Variants in NCAM2 observed in about 807,000 individuals in gnomAD.
The protein encoded by NCAM2 is N-CAM-2.
In NCAM2, 30 loss-of-function variants were observed where a neutral mutation model predicts 98.1. The observed-to-expected ratio is 0.31, with a 90% CI of 0.23 to 0.41. The LOEUF (loss-of-function observed/expected upper bound fraction) is 0.41. Among genes scored for constraint, NCAM2 ranks in the 10% least tolerant of loss-of-function variants. The pLI, the probability that NCAM2 is intolerant of heterozygous loss-of-function variation, is 1.00. For missense variants in NCAM2, 867 were observed against 1,005.8 expected, an observed-to-expected ratio of 0.86 and a Z score of 1.87; for synonymous variants, 368 against 342.4, an observed-to-expected ratio of 1.07 and a Z score of -0.83.
At chr21:21,370,015 C>A (rs62207732) in intron 8 of NCAM2, among the ~76,000 whole-genome samples, 2,167 of 151,864 alleles carry the variant, frequency 0.014, 42 homozygotes, top group Admixed American at 0.037. Context: ...TAATATGCTG[C>A]AGTCATCGTC....
intron 1 of NCAM2, among the ~76,000 whole-genome samples, chr21:21,126,985 CT>C (rs1330075387): frequency 1.1e-3 from 160 of 152,062 alleles, no homozygotes; most frequent in African/African-American, 3.5e-3. Flanking sequence ...CTCTCATCTA[CT>C]TCCCTCATAA....
intron 1 of NCAM2, among the ~76,000 whole-genome samples, chr21:21,030,812 G>T (rs1007481832): frequency 1.3e-5 from 2 of 152,094 alleles, no homozygotes; most frequent in African/African-American, 4.8e-5. Flanking sequence ...TTTAAACACA[G>T]CAACTGACTT....
At chr21:21,388,564 T>C (rs1430491479) in intron 9 of NCAM2, among the ~76,000 whole-genome samples, 1 of 152,126 alleles carries the variant, frequency 6.6e-6, no homozygotes, top group Non-Finnish European at 1.5e-5. Flanking sequence ...AGATGTGCTG[T>C]CCAGTCCGGC....
chr21:21,129,889 T>A (rs2066900868), intron 1 of NCAM2, among the ~76,000 whole-genome samples: 1 of 152,144 alleles, frequency 6.6e-6, no homozygotes, highest in Admixed American at 6.6e-5. Context: ...TGTTAGAAAA[T>A]GCAAGGTGAA....
chr21:21,185,915 G>T (rs1035669174), intron 1 of NCAM2, among the ~76,000 whole-genome samples: 1 of 152,064 alleles, frequency 6.6e-6, no homozygotes. Flanking sequence ...AATGCAGCCC[G>T]AACTAACATT....
At chr21:21,061,594 T>C (rs1344178609) in intron 1 of NCAM2, among the ~76,000 whole-genome samples, 1 of 151,940 alleles carries the variant, frequency 6.6e-6, no homozygotes, top group Non-Finnish European at 1.5e-5. Flanking sequence ...ACTAATTATG[T>C]TGGAATCATA....
At chr21:21,522,111 T>A (rs1020085016) in intron 16 of NCAM2, among the ~76,000 whole-genome samples, 28 of 148,000 alleles carry the variant, frequency 1.9e-4, no homozygotes, top group Non-Finnish European at 7.4e-5. Flanking sequence ...AGAATATATA[T>A]GAATACTATA....
At chr21:21,069,382 G>C (rs1200962371) in intron 1 of NCAM2, among the ~76,000 whole-genome samples, 1 of 152,104 alleles carries the variant, frequency 6.6e-6, no homozygotes, top group Non-Finnish European at 1.5e-5. Context: ...AAATGCGTTA[G>C]CTATCAACAT....
chr21:21,443,994 C>T (rs183438182), intron 12 of NCAM2, among the ~76,000 whole-genome samples: 2 of 152,080 alleles, frequency 1.3e-5, no homozygotes, highest in African/African-American at 4.8e-5. Context: ...AATAGCTCTT[C>T]TTTTTTTGAG....
At chr21:21,363,854 A>G (rs534628790) in intron 8 of NCAM2, among the ~76,000 whole-genome samples, 164 of 152,180 alleles carry the variant, frequency 1.1e-3, no homozygotes, top group Middle Eastern at 3.4e-3. Context: ...GTAACATTTT[A>G]TCAACATTTC....
chr21:21,047,825 C>T (rs1330842153), intron 1 of NCAM2, among the ~76,000 whole-genome samples: 1 of 151,952 alleles, frequency 6.6e-6, no homozygotes, highest in Non-Finnish European at 1.5e-5. Context: ...TCATCTTGCC[C>T]AAATTCCTCC....
chr21:21,351,117 CAAAAAAAAAAAAA>C (rs61586915), intron 8 of NCAM2, among the ~76,000 whole-genome samples: 1 of 83,754 alleles, frequency 1.2e-5, no homozygotes, highest in African/African-American at 4.9e-5. Flanking sequence ...GACTCTGTCT[CAAAAAAAAAAAAA>C]AAAAAAAAAA....
At chr21:21,511,745 T>C (rs1988398490) in intron 16 of NCAM2, among the ~76,000 whole-genome samples, 1 of 152,050 alleles carries the variant, frequency 6.6e-6, no homozygotes, top group Non-Finnish European at 1.5e-5. Context: ...TTTCTTCACA[T>C]CATCATCTGG....
chr21:21,135,466 G>T (rs971462068), intron 1 of NCAM2, among the ~76,000 whole-genome samples: 2 of 152,138 alleles, frequency 1.3e-5, no homozygotes, highest in African/African-American at 4.8e-5. Context: ...TTTTTGCTCT[G>T]AAACACCTCG....
chr21:21,183,808 CTAAG>C (rs981890455), intron 1 of NCAM2, among the ~76,000 whole-genome samples: 5 of 151,896 alleles, frequency 3.3e-5, no homozygotes, highest in Non-Finnish European at 7.4e-5. Flanking sequence ...ACCAAGAAGA[CTAAG>C]TGTCACTCCA....
At chr21:21,136,338 AC>A (rs2067049110) in intron 1 of NCAM2, among the ~76,000 whole-genome samples, 1 of 152,246 alleles carries the variant, frequency 6.6e-6, no homozygotes, top group South Asian at 2.1e-4. Context: ...AGGGAAAACA[AC>A]CAGAAACACT....
chr21:21,339,650 A>T (rs953032466), intron 8 of NCAM2, among the ~76,000 whole-genome samples: 7 of 151,896 alleles, frequency 4.6e-5, no homozygotes, highest in Non-Finnish European at 8.8e-5. Context: ...CCTCAATATA[A>T]CTTTGATTTA....
intron 1 of NCAM2, among the ~76,000 whole-genome samples, chr21:21,082,228 A>ATT: frequency 6.7e-6 from 1 of 149,502 alleles, no homozygotes; most frequent in African/African-American, 2.5e-5. Flanking sequence ...AATCCTTTAA[A>ATT]AAAAAAAAAA....
chr21:21,376,114 AG>A lies in NCAM2; in HGVS notation c.1195+2102del, dbSNP rs1160395285. 3.4e-5 allele frequency among the ~76,000 whole-genome samples: 5 copies of A among 148,370 alleles called. No homozygotes were observed. In the East Asian group the frequency reaches 9.7e-4, roughly 29 times the overall value. ...TGAGTCCTCAATTTCCTTAGTTATA[AG>A]ATAAGAGGGTTTAAAGAAGAGACTG... On this transcript the variant is annotated intron_variant, in intron 9 of 17. Transcript: ENST00000400546.
Sources: allele counts gnomAD v4.1 joint callset (sites outside exome capture counted in the v4.1 genomes callset), GRCh38; gene constraint gnomAD v4.1.1; transcripts MANE v1.5; gene names NCBI Gene and HGNC (gene_info 2026-07-23, HGNC 2026-07-21).